The following EXOC6B variants were observed in gnomAD, a reference collection of about 807,000 sequenced individuals.
EXOC6B encodes the protein SEC15 homolog B.
In EXOC6B, 54 loss-of-function variants were observed where a neutral mutation model predicts 113.5. The ratio of observed to expected loss-of-function variants is 0.48; its 90% CI spans 0.38 to 0.60. The LOEUF (loss-of-function observed/expected upper bound fraction) is 0.60, where lower values mean the gene tolerates loss of function less well. Among genes scored for constraint, EXOC6B ranks in the 20% least tolerant of loss-of-function variants. The pLI is 0.00. For synonymous variants in EXOC6B, 357 were observed against 339.0 expected, an observed-to-expected ratio of 1.05 and a Z score of -0.58; for missense variants, 797 against 977.5, an observed-to-expected ratio of 0.82 and a Z score of 2.46.
chr2:72,478,032 T>C (rs941823677), intron 17 of EXOC6B, among the ~76,000 whole-genome samples: 1 of 152,084 alleles, frequency 6.6e-6, no homozygotes, highest in Non-Finnish European at 1.5e-5. Context: ...AGACACTGTA[T>C]TAAAACTTGT....
At chr2:72,417,637 T>G (rs1163895677) in intron 18 of EXOC6B, among the ~76,000 whole-genome samples, 1 of 152,194 alleles carries the variant, frequency 6.6e-6, no homozygotes, top group East Asian at 1.9e-4. Flanking sequence ...ATTATAGTAT[T>G]TTGCACATAC....
intron 1 of EXOC6B, among the ~76,000 whole-genome samples, chr2:72,741,798 G>T (rs1050400541): frequency 6.6e-6 from 1 of 152,068 alleles, no homozygotes. Flanking sequence ...CTATCCAATT[G>T]CTCCATGAGC....
At chr2:72,779,359 T>C (rs974068360) in intron 1 of EXOC6B, among the ~76,000 whole-genome samples, 20 of 151,864 alleles carry the variant, frequency 1.3e-4, no homozygotes, top group African/African-American at 4.1e-4. Flanking sequence ...AAAATATATA[T>C]AACATTATGT....
rs370631403 is a variant in EXOC6B, at chr2:72,364,757, TCCTTCATC to T, written c.2122+14964_2122+14971del. On this transcript the variant is annotated intron_variant, in intron 19 of 21. Transcript: ENST00000272427. ...ATGTGCATGTATTTCAGCTTTATCA[TCCTTCATC>T]CCTGTTTATCTCTTATCTCTGTCAA... Among the ~76,000 whole-genome samples the T allele has an allele frequency of 5.4e-3, 820 of 152,298 alleles. 7 individuals carry two copies. The highest frequency in any genetic ancestry group is 0.018 in the African/African-American group (769 of 41,576).
At chr2:72,389,164 C>T (rs1304122174) in intron 18 of EXOC6B, among the ~76,000 whole-genome samples, 1 of 151,930 alleles carries the variant, frequency 6.6e-6, no homozygotes, top group Non-Finnish European at 1.5e-5. Context: ...TCTTATATTA[C>T]TTAAGTGTTC....
At chr2:72,790,471 A>T (rs990545192) in intron 1 of EXOC6B, among the ~76,000 whole-genome samples, 1 of 152,206 alleles carries the variant, frequency 6.6e-6, no homozygotes, top group Admixed American at 6.5e-5. Context: ...TAAGGTAAAG[A>T]TGGTGACATT....
chr2:72,382,114 A>G (rs1277250367), intron 18 of EXOC6B, among the ~76,000 whole-genome samples: 1 of 152,242 alleles, frequency 6.6e-6, no homozygotes, highest in Non-Finnish European at 1.5e-5. Context: ...CAAATTCTAA[A>G]GAGAAAAGTC....
chr2:72,583,714 T>TTTTTTGTTTTTG (rs772203974), intron 6 of EXOC6B, among the ~76,000 whole-genome samples: 37 of 144,678 alleles, frequency 2.6e-4, no homozygotes, highest in African/African-American at 1.0e-3. Context: ...TTCTCTGGTT[T>TTTTTTGTTTTTG]TTTTTGTTTT....
chr2:72,535,792 C>G (rs184484572), intron 8 of EXOC6B, among the ~76,000 whole-genome samples: 3 of 151,186 alleles, frequency 2.0e-5, no homozygotes, highest in Non-Finnish European at 4.4e-5. Flanking sequence ...ATCACTTGCA[C>G]TGGGGAGGCG....
intron 18 of EXOC6B, among the ~76,000 whole-genome samples, chr2:72,397,660 T>TAAAATAAAATAAAATAAAAAAAAAAAA (rs146573352): frequency 7.2e-6 from 1 of 139,852 alleles, no homozygotes; most frequent in Non-Finnish European, 1.5e-5. Flanking sequence ...TAAAATAAAA[T>TAAAATAAAATAAAATAAAAAAAAAAAA]TATATATATA....
chr2:72,358,779 T>C (rs926208902), intron 19 of EXOC6B, among the ~76,000 whole-genome samples: 1 of 152,160 alleles, frequency 6.6e-6, no homozygotes, highest in Admixed American at 6.6e-5. Context: ...TTGCCATTCA[T>C]TGACTCTCCA....
At chr2:72,802,971 A>G (rs1257154662) in intron 1 of EXOC6B, among the ~76,000 whole-genome samples, 4 of 152,214 alleles carry the variant, frequency 2.6e-5, no homozygotes, top group African/African-American at 9.6e-5. Flanking sequence ...TTTGAAAAAC[A>G]CTTCTTAAGA....
intron 6 of EXOC6B, among the ~76,000 whole-genome samples, chr2:72,677,170 G>A (rs1304582542): frequency 1.3e-5 from 2 of 152,070 alleles, no homozygotes; most frequent in African/African-American, 2.4e-5. Context: ...CTCAGCTAGC[G>A]TAATATAAAC....
intron 17 of EXOC6B, among the ~76,000 whole-genome samples, chr2:72,467,797 G>C (rs1698147119): frequency 6.6e-6 from 1 of 151,330 alleles, no homozygotes; most frequent in Non-Finnish European, 1.5e-5. Flanking sequence ...TTGAGATAGA[G>C]TCTCACTCTG....
intron 6 of EXOC6B, among the ~76,000 whole-genome samples, chr2:72,659,295 T>C (rs1445318467): frequency 2.0e-5 from 3 of 152,094 alleles, no homozygotes; most frequent in Non-Finnish European, 2.9e-5. Context: ...TGGGATCTCT[T>C]GCAAGTAACT....
intron 1 of EXOC6B, among the ~76,000 whole-genome samples, chr2:72,802,624 G>A (rs562219755): frequency 6.6e-6 from 1 of 152,150 alleles, no homozygotes; most frequent in South Asian, 2.1e-4. Context: ...GGTTTAAATT[G>A]TGTTACTATA....
chr2:72,796,687 T>A (rs958755677), intron 1 of EXOC6B, among the ~76,000 whole-genome samples: 59 of 146,386 alleles, frequency 4.0e-4, no homozygotes, highest in Middle Eastern at 3.6e-3. Flanking sequence ...AATCCTAATT[T>A]AAAAAAAAAA....
At chr2:72,705,700 C>A (rs1001289678) in intron 6 of EXOC6B, among the ~76,000 whole-genome samples, 6 of 152,054 alleles carry the variant, frequency 3.9e-5, no homozygotes, top group African/African-American at 1.2e-4. Flanking sequence ...CTCCTCTGCA[C>A]ACACACTCAT....
At chr2:72,231,627 T>G (rs1359990600) in intron 20 of EXOC6B, among the ~76,000 whole-genome samples, 1 of 152,080 alleles carries the variant, frequency 6.6e-6, no homozygotes, top group Non-Finnish European at 1.5e-5. Flanking sequence ...GAGCTACAAC[T>G]GATGAAAATT....
Sources: allele counts gnomAD v4.1 joint callset (sites outside exome capture counted in the v4.1 genomes callset), GRCh38; gene constraint gnomAD v4.1.1; transcripts MANE v1.5; gene names NCBI Gene and HGNC (gene_info 2026-07-23, HGNC 2026-07-21).